Variants in EHBP1 observed in about 807,000 individuals in gnomAD.
The protein encoded by EHBP1 is EH domain binding protein 1.
EHBP1 carries 55 observed loss-of-function variants against 144.0 expected under a neutral mutation model. The observed-to-expected ratio is 0.38, with a 90% CI of 0.31 to 0.48. The LOEUF (loss-of-function observed/expected upper bound fraction) is 0.48. EHBP1 is among the 20% of genes least tolerant of loss of function. The probability of loss-of-function intolerance (pLI) is 0.98; values close to 1 mark genes in which losing one functional copy is unlikely to be tolerated. For synonymous variants in EHBP1, 469 were observed against 472.7 expected, an observed-to-expected ratio of 0.99 and a Z score of 0.10; for missense variants, 1,200 against 1,364.2, an observed-to-expected ratio of 0.88 and a Z score of 1.90.
At chr2:62,918,578 A>T (rs2054825621) in intron 10 of EHBP1, among the ~76,000 whole-genome samples, 1 of 152,166 alleles carries the variant, frequency 6.6e-6, no homozygotes, top group South Asian at 2.1e-4. Flanking sequence ...CTCTTCTCTA[A>T]TGACATAACA....
chr2:62,812,954 T>G (rs542389529), intron 5 of EHBP1, among the ~76,000 whole-genome samples: 2 of 152,286 alleles, frequency 1.3e-5, no homozygotes, highest in African/African-American at 4.8e-5. Flanking sequence ...ACTAAGGAGA[T>G]TAGTACATTT....
rs117652697 is a variant in EHBP1 at position 62,809,957 on chromosome 2, A to G, written c.313-16130A>G. ...CTAAGAGTGACAAACTCAAAGGGAC[A>G]TACATGTTTAATAATAGGGAATGGT... is the stretch of plus-strand genomic sequence containing the variant. On this transcript the variant is annotated intron_variant, in intron 5 of 22. Transcript: ENST00000431489. Among the ~76,000 whole-genome samples, 40 of 152,356 alleles carry G rather than the reference A, an allele frequency of 2.6e-4. 1 individual carries two copies. The East Asian group carries it at 7.7e-3, about 29-fold the overall frequency.
chr2:62,961,618 G>T (rs1026279777), intron 14 of EHBP1, among the ~76,000 whole-genome samples: 1 of 152,146 alleles, frequency 6.6e-6, no homozygotes, highest in Admixed American at 6.5e-5. Flanking sequence ...GTAATTCAAA[G>T]GAGACGTCTT....
rs566934798 is a variant in EHBP1, at chr2:62,987,800, A to C, written c.2609-2916A>C. 9 of 493,938 alleles carry C rather than the reference A, an allele frequency of 1.8e-5. No individual in the cohort carries two copies. The Admixed American group carries it at 2.8e-4, about 15-fold the overall frequency. The allele number at this position is 493,938 out of a possible 1,614,324, so 30.6% of individuals were successfully genotyped here. A position where few individuals can be genotyped will look rare whatever the true frequency, so the allele number is the denominator to read the frequency against. ...AAGAGTGACTTAAAACTGATTTCTTAACTTGCTTATCTGTGTCAGACCTGA... is the reference window on the plus strand; with the variant it reads ...AAGAGTGACTTAAAACTGATTTCTTCACTTGCTTATCTGTGTCAGACCTGA... On this transcript the variant is annotated intron_variant, in intron 15 of 22. Coordinates refer to ENST00000431489, the MANE Select transcript of EHBP1 (RefSeq NM_001142616.3).
chr2:62,992,747 G>T (rs921920253), intron 16 of EHBP1, among the ~76,000 whole-genome samples: 1 of 152,160 alleles, frequency 6.6e-6, no homozygotes, highest in African/African-American at 2.4e-5. Context: ...CCTCATTACT[G>T]ATTGTCTCAA....
chr2:62,992,810 A>G (rs1170409243), intron 16 of EHBP1, among the ~76,000 whole-genome samples: 1 of 152,192 alleles, frequency 6.6e-6, no homozygotes, highest in Non-Finnish European at 1.5e-5. Flanking sequence ...TTCAGCATTC[A>G]GCAGGCTTAG....
intron 1 of EHBP1, among the ~76,000 whole-genome samples, chr2:62,683,520 A>T (rs2033604237): frequency 6.6e-6 from 1 of 152,000 alleles, no homozygotes; most frequent in African/African-American, 2.4e-5. Context: ...TTAGCTGGGC[A>T]TGGTGGCGGG....
intron 15 of EHBP1, among the ~76,000 whole-genome samples, chr2:62,980,246 A>G (rs1037869437): frequency 5.9e-5 from 9 of 152,110 alleles, no homozygotes; most frequent in African/African-American, 2.2e-4. Flanking sequence ...ATCATCAGGC[A>G]TTAGTTAGAT....
intron 19 of EHBP1, among the ~76,000 whole-genome samples, chr2:63,006,638 C>T (rs956610784): frequency 1.3e-5 from 2 of 151,702 alleles, no homozygotes; most frequent in Non-Finnish European, 2.9e-5. Flanking sequence ...TTAAATTTTC[C>T]ATTTTCATTC....
intron 5 of EHBP1, among the ~76,000 whole-genome samples, chr2:62,776,169 T>G (rs1441412805): frequency 6.6e-6 from 1 of 152,216 alleles, no homozygotes; most frequent in Admixed American, 6.5e-5. Context: ...ACTGCTTCTT[T>G]GTGCAAATTG....
chr2:62,859,346 T>C (rs1434256146), intron 8 of EHBP1, 55 bp downstream of exon 8: 1 of 1,501,930 alleles, frequency 6.7e-7, no homozygotes, highest in African/African-American at 1.4e-5. Context: ...TGACTTGAAC[T>C]GTAAGGGCAG....
chr2:63,027,528 G>T (rs568114205), intron 19 of EHBP1, among the ~76,000 whole-genome samples: 1 of 152,152 alleles, frequency 6.6e-6, no homozygotes, highest in African/African-American at 2.4e-5. Context: ...TTGAAATCCT[G>T]TTCAAGTTAG....
At chr2:63,028,439 AT>A (rs879272049) in intron 19 of EHBP1, among the ~76,000 whole-genome samples, 129 of 146,298 alleles carry the variant, frequency 8.8e-4, no homozygotes, top group Admixed American at 1.2e-3. Context: ...ACTTTTAAAG[AT>A]TTTTTTTTTT....
chr2:62,923,843 G>C (rs2055285401), intron 10 of EHBP1, among the ~76,000 whole-genome samples: 1 of 152,132 alleles, frequency 6.6e-6, no homozygotes, highest in Non-Finnish European at 1.5e-5. Context: ...AGTCCTGTGG[G>C]CCACACCTGG....
chr2:62,993,733 G>GTATATATATATAGTATATATATATAGCA, intron 17 of EHBP1, 65 bp downstream of exon 17: 2 of 739,800 alleles, frequency 2.7e-6, no homozygotes, highest in Non-Finnish European at 1.9e-6. Context: ...TCTATATATA[G>GTATATATATATAGTATATATATATAGCA]TATATATATA....
At position 62,874,547 on chromosome 2, in the gene EHBP1, A is replaced by G. The variant is rs773374913; in HGVS notation, c.1185+15A>G. On this transcript the variant is annotated intron_variant, in intron 10 of 22. Coordinates refer to ENST00000431489, the MANE Select transcript of EHBP1 (RefSeq NM_001142616.3). ...CTTCTCCTAAGGTAGGATTTTATTC[A>G]TAGTAAAACATGTATTAATATTTGC... The G allele has an allele frequency of 5.2e-6, 8 of 1,541,716 alleles. No individual in the cohort carries two copies. The Admixed American group carries it at 1.0e-4, about 20-fold the overall frequency.
intron 10 of EHBP1, among the ~76,000 whole-genome samples, chr2:62,912,982 A>C (rs1341231637): frequency 6.6e-6 from 1 of 152,144 alleles, no homozygotes; most frequent in African/African-American, 2.4e-5. Flanking sequence ...GATAATCACA[A>C]AGCCTCAAGC....
chr2:62,880,562 C>T (rs908270921), intron 10 of EHBP1, among the ~76,000 whole-genome samples: 24 of 151,978 alleles, frequency 1.6e-4, no homozygotes, highest in Admixed American at 7.2e-4. Context: ...AAAAAACAAC[C>T]GACCAACCCC....
At chr2:62,953,034 C>T (rs941480647) in intron 13 of EHBP1, among the ~76,000 whole-genome samples, 4 of 151,682 alleles carry the variant, frequency 2.6e-5, no homozygotes, top group African/African-American at 9.7e-5. Context: ...GCCTGACCAA[C>T]ATGGAGAAAC....
Sources: gnomAD v4.1 joint callset for allele counts (sites outside exome capture counted in the v4.1 genomes callset) on GRCh38, gnomAD v4.1.1 for gene constraint, MANE v1.5 for transcripts, NCBI Gene and HGNC (gene_info 2026-07-23, HGNC 2026-07-21) for gene names.